The following MYO1E variants were observed in gnomAD, a reference collection of about 807,000 sequenced individuals.
MYO1E encodes the protein unconventional myosin-Ie.
Under a neutral mutation model 151.1 loss-of-function variants are expected in MYO1E, and 68 were observed. That is an observed-to-expected ratio of 0.45 (90% confidence interval 0.37 to 0.55). MYO1E has a LOEUF of 0.55. MYO1E is among the 20% of genes least tolerant of loss of function. The pLI, the probability that MYO1E is intolerant of heterozygous loss-of-function variation, is 0.00. For missense variants in MYO1E, 1,363 were observed against 1,389.3 expected (o/e 0.98, Z 0.30); for synonymous variants, 601 against 501.7 (o/e 1.20, Z -2.64).
intron 1 of MYO1E, among the ~76,000 whole-genome samples, chr15:59,361,977 C>T (rs1001644666): frequency 2.0e-5 from 3 of 152,042 alleles, no homozygotes; most frequent in Admixed American, 6.6e-5. Flanking sequence ...GCTGGGATTA[C>T]GGGCGTCTAC....
rs2080068088 is a variant in MYO1E at position 59,236,608 on chromosome 15, A to C, written c.397T>G (p.Ser133Ala). ...KYIMSYISRV[S>A]GGGTKVQHVK... ...ACCTGGACTTTGGTCCCTCCTCCAG[A>C]CACTCTGGAGATGTAGCTCATGATA... The change falls in exon 5 of 28, where the codon TCT becomes GCT. Residue 133 changes from serine (S) to alanine (A), a missense_variant. Coordinates refer to ENST00000288235, the MANE Select transcript of MYO1E (RefSeq NM_004998.4). The C allele has an allele frequency of 6.2e-7, 1 of 1,613,904 alleles. No homozygotes were observed. The highest frequency in any genetic ancestry group is 1.6e-4 in the Middle Eastern group (1 of 6,062).
chr15:59,281,940 G>A (rs1212360455), intron 1 of MYO1E, among the ~76,000 whole-genome samples: 1 of 150,752 alleles, frequency 6.6e-6, no homozygotes, highest in Non-Finnish European at 1.5e-5. Flanking sequence ...CTCCAGCCTG[G>A]TGACAAAGCA....
At chr15:59,353,368 AAAAAAGAAAAG>A (rs1378626289) in intron 1 of MYO1E, among the ~76,000 whole-genome samples, 2 of 142,708 alleles carry the variant, frequency 1.4e-5, no homozygotes, top group African/African-American at 5.1e-5. Flanking sequence ...AAAAAAAAAA[AAAAAAGAAAAG>A]AAAAGAAAAG....
chr15:59,156,035 A>G (rs1035729014), intron 25 of MYO1E, among the ~76,000 whole-genome samples: 1 of 152,130 alleles, frequency 6.6e-6, no homozygotes, highest in Non-Finnish European at 1.5e-5. Flanking sequence ...ACGCCCAGCT[A>G]ATCTTGAGAC....
At chr15:59,257,007 G>A (rs79391068) in intron 3 of MYO1E, among the ~76,000 whole-genome samples, 1,577 of 152,180 alleles carry the variant, frequency 0.01, 32 homozygotes, top group African/African-American at 0.036. Flanking sequence ...ATCCTACCAC[G>A]CTAAGATATT....
intron 26 of MYO1E, among the ~76,000 whole-genome samples, chr15:59,142,790 A>G (rs918585228): frequency 1.3e-5 from 2 of 152,014 alleles, no homozygotes; most frequent in African/African-American, 2.4e-5. Context: ...CACATACTTC[A>G]AGCTTACATC....
At chr15:59,316,220 T>A (rs2140413947) in intron 1 of MYO1E, among the ~76,000 whole-genome samples, 1 of 152,354 alleles carries the variant, frequency 6.6e-6, no homozygotes, top group South Asian at 2.1e-4. Flanking sequence ...ATCTAACCTG[T>A]CACAAGGGCT....
In MYO1E at chr15:59,179,003, G is replaced by A. The variant is rs572248119; in HGVS notation, c.1905-466C>T. Among the ~76,000 whole-genome samples the A allele has an allele frequency of 3.9e-5, 6 of 152,326 alleles. No homozygotes were observed. The South Asian group carries it at 1.2e-3, about 32-fold the overall frequency. Reference sequence around the variant, plus strand: ...TCAACTTTCACCTTTGAAATTCTGTGCATCTGGGTCACGAGGCCCTTGGGA... The same window carrying A: ...TCAACTTTCACCTTTGAAATTCTGTACATCTGGGTCACGAGGCCCTTGGGA... On this transcript the variant is annotated intron_variant, in intron 18 of 27. Coordinates refer to ENST00000288235, the MANE Select transcript of MYO1E (RefSeq NM_004998.4).
intron 1 of MYO1E, among the ~76,000 whole-genome samples, chr15:59,306,786 G>A (rs922388672): frequency 2.6e-5 from 4 of 152,208 alleles, no homozygotes; most frequent in Admixed American, 2.6e-4. Context: ...GGACTGACAC[G>A]TTATCAACAA....
chr15:59,204,052 T>C (rs1337322329), intron 15 of MYO1E, among the ~76,000 whole-genome samples: 1 of 152,170 alleles, frequency 6.6e-6, no homozygotes, highest in East Asian at 1.9e-4. Flanking sequence ...CAATAATAGC[T>C]CTTAAACTTG....
chr15:59,316,076 A>C (rs1446368073), intron 1 of MYO1E, among the ~76,000 whole-genome samples: 1 of 152,078 alleles, frequency 6.6e-6, no homozygotes, highest in Non-Finnish European at 1.5e-5. Flanking sequence ...AGACAGAGCA[A>C]GTAAGGAAAG....
intron 4 of MYO1E, among the ~76,000 whole-genome samples, chr15:59,248,419 G>A (rs2080143824): frequency 6.9e-6 from 1 of 144,650 alleles, no homozygotes; most frequent in African/African-American, 2.6e-5. Context: ...CCGGGGGGAT[G>A]GAGGTTGCAG....
intron 1 of MYO1E, among the ~76,000 whole-genome samples, chr15:59,355,857 A>T (rs1259360145): frequency 6.6e-6 from 1 of 152,160 alleles, no homozygotes; most frequent in African/African-American, 2.4e-5. Flanking sequence ...CTGGAACTAC[A>T]GGCACACACC....
rs747563612 is a variant in MYO1E, at chr15:59,236,588, G to A, written c.417C>T (p.Val139=). The stretch of plus-strand genomic sequence containing the variant: ...TAATGGGCCACTGCCCACTCACCTG[G>A]ACTTTGGTCCCTCCTCCAGACACTC... ...ISRVSGGGTK[V]QHVKDIILQS... The change falls in exon 5 of 28, where the codon GTC becomes GTT. Residue 139 remains valine (V), a synonymous_variant. Transcript: ENST00000288235. The A allele has an allele frequency of 5.0e-6, 8 of 1,611,656 alleles. No individual in the cohort carries two copies. In the African/African-American group the frequency reaches 1.1e-4, roughly 22 times the overall value.
At chr15:59,153,984 A>G (rs1237652934) in intron 25 of MYO1E, among the ~76,000 whole-genome samples, 193 bp from the exon 26 acceptor site, 1 of 152,208 alleles carries the variant, frequency 6.6e-6, no homozygotes, top group African/African-American at 2.4e-5. Context: ...TGTTTTCCCC[A>G]TCACCGGGCT....
intron 14 of MYO1E, 24 bp from the exon 15 acceptor site, chr15:59,205,509 G>GAATTTCATTGAAAAAAATGT: frequency 6.5e-7 from 1 of 1,531,052 alleles, no homozygotes; most frequent in Non-Finnish European, 9.0e-7. Context: ...GAAAGAAATC[G>GAATTTCATTGAAAAAAATGT]AATTTCATTG....
intron 9 of MYO1E, among the ~76,000 whole-genome samples, chr15:59,220,023 T>G (rs999435152): frequency 6.6e-6 from 1 of 152,240 alleles, no homozygotes; most frequent in Non-Finnish European, 1.5e-5. Context: ...CGGGTTGTTG[T>G]GAGAATCAAG....
rs560973524 is a variant in MYO1E at position 59,246,740 on chromosome 15, C to T, written c.332+9544G>A. ...AAGAAGGGGAAGACTGAGCTCTGGC[C>T]CCCAGACAAATCCACTGGATAACAA... On this transcript the variant is annotated intron_variant, in intron 4 of 27. Coordinates refer to ENST00000288235, the MANE Select transcript of MYO1E (RefSeq NM_004998.4). 5.9e-5 allele frequency among the ~76,000 whole-genome samples: 9 copies of T among 152,138 alleles called. No homozygotes were observed. In the South Asian group the frequency reaches 1.9e-3, roughly 32 times the overall value.
At chr15:59,295,321 T>C (rs149748588) in intron 1 of MYO1E, among the ~76,000 whole-genome samples, 251 of 152,162 alleles carry the variant, frequency 1.6e-3, no homozygotes, top group Non-Finnish European at 3.1e-3. Flanking sequence ...ACAACATCGC[T>C]TGTGTTTGCA....
Sources: allele counts gnomAD v4.1 joint callset (sites outside exome capture counted in the v4.1 genomes callset), GRCh38; gene constraint gnomAD v4.1.1; transcripts MANE v1.5; gene names NCBI Gene and HGNC (gene_info 2026-07-23, HGNC 2026-07-21).